TENM2: variants seen among roughly 807,000 people sequenced by gnomAD.
TENM2 encodes the protein teneurin transmembrane protein 2.
Under a neutral mutation model 245.2 loss-of-function variants are expected in TENM2, and 52 were observed. The observed-to-expected ratio is 0.21, with a 90% CI of 0.17 to 0.27. The LOEUF (loss-of-function observed/expected upper bound fraction) is 0.27. TENM2 is among the 10% of genes least tolerant of loss of function. The pLI, the probability that TENM2 is intolerant of heterozygous loss-of-function variation, is 1.00. For synonymous variants in TENM2, 1,363 were observed against 1,438.9 expected (o/e 0.95, Z 1.19); for missense variants, 3,046 against 3,666.8 (o/e 0.83, Z 4.37).
the TENM2 span, among the ~76,000 whole-genome samples, chr5:167,150,466 T>C: frequency 6.6e-6 from 1 of 152,206 alleles, no homozygotes; most frequent in Non-Finnish European, 1.5e-5. Flanking sequence ...TCAAAACACA[T>C]ATTAAGGGTG....
At chr5:167,821,741 GA>G (rs1221278479) in intron 2 of TENM2, among the ~76,000 whole-genome samples, 1 of 151,956 alleles carries the variant, frequency 6.6e-6, no homozygotes, top group Non-Finnish European at 1.5e-5. Flanking sequence ...TTATTACTAA[GA>G]ACTCTACAAG....
intron 2 of TENM2, among the ~76,000 whole-genome samples, chr5:167,573,795 A>T (rs1321975888): frequency 6.6e-6 from 1 of 151,694 alleles, no homozygotes; most frequent in Non-Finnish European, 1.5e-5. Context: ...GTGGCGTCAC[A>T]TTGCTCCCCT....
intron 3 of TENM2, among the ~76,000 whole-genome samples, chr5:167,934,461 T>C (rs1379547680): frequency 6.6e-6 from 1 of 152,196 alleles, no homozygotes; most frequent in Non-Finnish European, 1.5e-5. Flanking sequence ...TGTAACCTGG[T>C]AGGAGTGTAG....
At chr5:167,115,308 A>T in the TENM2 span, among the ~76,000 whole-genome samples, 1 of 152,184 alleles carries the variant, frequency 6.6e-6, no homozygotes, top group Non-Finnish European at 1.5e-5. Flanking sequence ...CTTTAAAAAA[A>T]TATTCTGAGG....
intron 3 of TENM2, among the ~76,000 whole-genome samples, chr5:167,896,100 G>A (rs1384932076): frequency 6.6e-6 from 1 of 152,222 alleles, no homozygotes; most frequent in African/African-American, 2.4e-5. Context: ...GATAGATGTC[G>A]ACCCAGTGCC....
chr5:168,120,725 A>G (rs1795409785), intron 10 of TENM2, among the ~76,000 whole-genome samples: 1 of 152,270 alleles, frequency 6.6e-6, no homozygotes, highest in African/African-American at 2.4e-5. Context: ...TTTTCAAAAT[A>G]GGAAATGGAA....
intron 7 of TENM2, among the ~76,000 whole-genome samples, chr5:168,084,476 T>C (rs1305220591): frequency 6.6e-6 from 1 of 152,216 alleles, no homozygotes; most frequent in East Asian, 1.9e-4. Flanking sequence ...TATCTCATTG[T>C]GGTTTTGATT....
chr5:167,905,330 G>A (rs1334435797), intron 3 of TENM2, among the ~76,000 whole-genome samples: 1 of 152,188 alleles, frequency 6.6e-6, no homozygotes, highest in African/African-American at 2.4e-5. Context: ...GATAGATGGA[G>A]TTACCACGAA....
intron 2 of TENM2, among the ~76,000 whole-genome samples, chr5:167,618,550 C>T (rs1777948207): frequency 6.6e-6 from 1 of 152,116 alleles, no homozygotes; most frequent in Non-Finnish European, 1.5e-5. Flanking sequence ...CGCTTAGCTG[C>T]ATGTCAGCGC....
chr5:167,677,134 C>G lies in TENM2; in HGVS notation c.503-198852C>G, dbSNP rs557568833. ...CTCAGTTCCTAGTCTAACAGCGAAC[C>G]CTTGTTTAATAATATCCCAGTGTTT... On this transcript the variant is annotated intron_variant, in intron 2 of 28. Coordinates refer to ENST00000518659, the Ensembl canonical transcript of TENM2. 1.4e-4 allele frequency among the ~76,000 whole-genome samples: 21 copies of G among 152,008 alleles called. 1 individual carries two copies. The highest frequency in any genetic ancestry group is 5.2e-4 in the Admixed American group (8 of 15,246).
chr5:167,844,846 CAAA>C (rs34170173), intron 2 of TENM2, among the ~76,000 whole-genome samples: 2 of 136,174 alleles, frequency 1.5e-5, no homozygotes. Flanking sequence ...TGGTAGTGGC[CAAA>C]AAAAAAAAAA....
At chr5:167,067,960 C>A in the TENM2 span, among the ~76,000 whole-genome samples, 29 of 152,096 alleles carry the variant, frequency 1.9e-4, no homozygotes, top group African/African-American at 6.3e-4. Context: ...AATGTGACAT[C>A]TTCCTCCTTC....
At chr5:168,162,165 T>C (rs1757800875) in intron 12 of TENM2, among the ~76,000 whole-genome samples, 1 of 152,206 alleles carries the variant, frequency 6.6e-6, no homozygotes, top group African/African-American at 2.4e-5. Context: ...CTCTGAAAGA[T>C]GGCGGGCACT....
intron 2 of TENM2, among the ~76,000 whole-genome samples, chr5:167,620,099 C>T (rs1010381669): frequency 6.6e-5 from 10 of 152,120 alleles, no homozygotes; most frequent in African/African-American, 2.2e-4. Flanking sequence ...TGTTAACCTT[C>T]TGAGAGGTCA....
At chr5:167,736,897 G>A (rs1760840518) in intron 2 of TENM2, among the ~76,000 whole-genome samples, 1 of 152,210 alleles carries the variant, frequency 6.6e-6, no homozygotes, top group Non-Finnish European at 1.5e-5. Flanking sequence ...TGATGGGGAA[G>A]TCTGCCTTCC....
chr5:167,445,661 C>G (rs1765166391), intron 2 of TENM2, among the ~76,000 whole-genome samples: 1 of 152,074 alleles, frequency 6.6e-6, no homozygotes, highest in South Asian at 2.1e-4. Flanking sequence ...CTAGAATATC[C>G]TATAGGCAGT....
chr5:167,865,592 A>G (rs1162607497), intron 2 of TENM2, among the ~76,000 whole-genome samples: 1 of 152,094 alleles, frequency 6.6e-6, no homozygotes, highest in Non-Finnish European at 1.5e-5. Flanking sequence ...AATTTTATAC[A>G]ACGGTTGCGT....
At chr5:168,195,344 C>G in intron 15 of TENM2, 49 bp downstream of exon 17, 1 of 1,551,128 alleles carries the variant, frequency 6.4e-7, no homozygotes, top group Non-Finnish European at 8.7e-7. Flanking sequence ...CACGTGTGTG[C>G]AAAGGGACAG....
chr5:167,986,897 G>GATTTTATTTAC (rs1783290011), intron 4 of TENM2, among the ~76,000 whole-genome samples: 1 of 152,116 alleles, frequency 6.6e-6, no homozygotes. Context: ...ATTACCTTGT[G>GATTTTATTTAC]GGTCTTGCTT....
Sources: allele counts gnomAD v4.1 joint callset (sites outside exome capture counted in the v4.1 genomes callset), GRCh38; gene constraint gnomAD v4.1.1; transcripts MANE v1.5; gene names NCBI Gene and HGNC (gene_info 2026-07-23, HGNC 2026-07-21).